AK8: variants seen among roughly 807,000 people sequenced by gnomAD.
The protein encoded by AK8 is ATP-AMP transphosphorylase 8.
In AK8, 44 loss-of-function variants were observed where a neutral mutation model predicts 54.6. The observed-to-expected ratio is 0.81, with a 90% CI of 0.63 to 1.04. The LOEUF (loss-of-function observed/expected upper bound fraction) is 1.04. Among genes scored for constraint, AK8 ranks in the 50% least tolerant of loss-of-function variants. The pLI is 0.00. For synonymous variants in AK8, 239 were observed against 245.6 expected (o/e 0.97, Z 0.25); for missense variants, 555 against 613.6 (o/e 0.90, Z 1.01).
At chr9:132,808,454 T>G (rs1013255959) in intron 10 of AK8, among the ~76,000 whole-genome samples, 3 of 152,168 alleles carry the variant, frequency 2.0e-5, no homozygotes, top group Non-Finnish European at 4.4e-5. Flanking sequence ...GATGGGGCCC[T>G]GGGGTCCTTT....
At chr9:132,752,618 C>T (rs1304771327) in intron 11 of AK8, among the ~76,000 whole-genome samples, 2 of 151,866 alleles carry the variant, frequency 1.3e-5, no homozygotes, top group Non-Finnish European at 2.9e-5. Flanking sequence ...ACCACCTTCG[C>T]CACACCCTGC....
intron 5 of AK8, among the ~76,000 whole-genome samples, chr9:132,846,660 T>C (rs760485603): frequency 7.2e-5 from 11 of 152,142 alleles, no homozygotes; most frequent in Non-Finnish European, 1.2e-4. Context: ...TGGGGACACG[T>C]TGGGGGCCTG....
intron 10 of AK8, among the ~76,000 whole-genome samples, chr9:132,796,478 T>C (rs1327837900): frequency 1.3e-5 from 2 of 152,176 alleles, no homozygotes; most frequent in South Asian, 2.1e-4. Context: ...AAGATGTGTA[T>C]ACAAAGATGT....
chr9:132,823,201 T>G lies in AK8; in HGVS notation c.889+4A>C. ...CTGGGCAGCCCAGCACCTGGGGCAC[T>G]CACCATTGACAAGCCTGTATTTCTG... is the stretch of plus-strand genomic sequence containing the variant. On this transcript the variant is annotated splice_donor_region_variant and intron_variant, in intron 9 of 12. Transcript: ENST00000298545. 1 of 1,561,842 alleles carries G rather than the reference T, an allele frequency of 6.4e-7. No individual in the cohort carries two copies. The highest frequency in any genetic ancestry group is 8.6e-7 in the Non-Finnish European group (1 of 1,156,246).
intron 2 of AK8, 72 bp from the exon 3 acceptor site, chr9:132,867,025 G>T: frequency 1.4e-6 from 2 of 1,441,684 alleles, no homozygotes; most frequent in Non-Finnish European, 2.0e-6. Flanking sequence ...GGTACTCGGG[G>T]TGTACTTATT....
chr9:132,743,237 G>A (rs1325277444), intron 11 of AK8, among the ~76,000 whole-genome samples: 5 of 152,240 alleles, frequency 3.3e-5, no homozygotes, highest in Non-Finnish European at 7.3e-5. Flanking sequence ...CTCTGCTCGC[G>A]ACCTGACCTG....
At chr9:132,744,134 G>T (rs972333453) in intron 11 of AK8, among the ~76,000 whole-genome samples, 1 of 152,040 alleles carries the variant, frequency 6.6e-6, no homozygotes, top group Non-Finnish European at 1.5e-5. Context: ...GGGTGTGCCG[G>T]CTCACACCCT....
chr9:132,814,637 C>T lies in AK8; in HGVS notation c.979+1G>A. 1 of 1,613,772 alleles carries T rather than the reference C, an allele frequency of 6.2e-7. No individual in the cohort carries two copies. Among genetic ancestry groups the T allele is most frequent in the Non-Finnish European group, 8.5e-7 (1 of 1,179,844 alleles). ...TGACAGTTAGTGGGAACGTGGCCTA[C>T]CTGCCATCTCCTTTTCAAAGAAGGG... On this transcript the variant is annotated splice_donor_variant, in intron 10 of 12. Transcript: ENST00000298545. LOFTEE classifies it high-confidence loss of function.
At chr9:132,810,471 C>A (rs746704141) in intron 10 of AK8, among the ~76,000 whole-genome samples, 2 of 152,172 alleles carry the variant, frequency 1.3e-5, no homozygotes, top group East Asian at 3.9e-4. Context: ...CGGCTCTGTA[C>A]AAAGTTGACG....
At chr9:132,836,972 A>G (rs1200194105) in intron 5 of AK8, among the ~76,000 whole-genome samples, 1 of 152,250 alleles carries the variant, frequency 6.6e-6, no homozygotes, top group Non-Finnish European at 1.5e-5. Context: ...CCTGGCATAC[A>G]CAGGCTTTTC....
At chr9:132,727,727 C>T (rs1836642757) in intron 11 of AK8, 193 bp from the exon 12 acceptor site, 10 of 406,380 alleles carry the variant, frequency 2.5e-5, no homozygotes, top group Non-Finnish European at 4.0e-5. Context: ...TGTGTCCCCC[C>T]AACCGCCTCC....
intron 11 of AK8, among the ~76,000 whole-genome samples, chr9:132,744,167 CAG>C (rs530193242): frequency 2.0e-5 from 3 of 152,312 alleles, no homozygotes; most frequent in African/African-American, 7.2e-5. Flanking sequence ...ACTAAGGACA[CAG>C]GGCACAGCTG....
At chr9:132,818,866 G>A (rs1222005812) in intron 9 of AK8, among the ~76,000 whole-genome samples, 2 of 151,488 alleles carry the variant, frequency 1.3e-5, no homozygotes, top group African/African-American at 2.4e-5. Flanking sequence ...AAAAAAGTGA[G>A]ACCCAACTAT....
Position 132,799,162 on chromosome 9 carries a change from C to T in AK8, c.980-6387G>A, listed in dbSNP as rs1429606692. 4.6e-5 allele frequency among the ~76,000 whole-genome samples: 7 copies of T among 152,136 alleles called. No homozygotes were observed. The highest frequency in any genetic ancestry group is 2.1e-4 in the South Asian group (1 of 4,826). On this transcript the variant is annotated intron_variant, in intron 10 of 12. Transcript: ENST00000298545. The surrounding 1 kb of genome is among the most constrained non-coding windows in gnomAD (Gnocchi z 5.0). ...CAGGCACCAGAGGCCCCTCCTGCTGCGCCACGCCGCCGCCTGCTGTCCGCA... is the reference window on the plus strand; with the variant it reads ...CAGGCACCAGAGGCCCCTCCTGCTGTGCCACGCCGCCGCCTGCTGTCCGCA...
intron 1 of AK8, among the ~76,000 whole-genome samples, chr9:132,875,931 C>T (rs1161186437): frequency 1.3e-5 from 2 of 152,344 alleles, no homozygotes; most frequent in East Asian, 3.9e-4. Context: ...CTGGGATATT[C>T]TGGCCATTTC....
chr9:132,823,389 C>T, intron 8 of AK8, 53 bp from the exon 9 acceptor site: 5 of 1,609,216 alleles, frequency 3.1e-6, no homozygotes, highest in Non-Finnish European at 4.2e-6. Context: ...GAACAGGAAA[C>T]CCGCTTGCAG....
At chr9:132,821,323 G>A (rs1841596565) in intron 9 of AK8, among the ~76,000 whole-genome samples, 1 of 152,152 alleles carries the variant, frequency 6.6e-6, no homozygotes, top group South Asian at 2.1e-4. Context: ...ACGTAAGCAA[G>A]TGATGCCGCC....
intron 5 of AK8, among the ~76,000 whole-genome samples, chr9:132,839,827 G>T (rs113108553): frequency 8.1e-5 from 12 of 147,588 alleles, no homozygotes; most frequent in South Asian, 4.3e-4. Flanking sequence ...TGCCGGGGGG[G>T]GGGGCGCAGG....
chr9:132,870,293 A>T (rs967201276), intron 2 of AK8, among the ~76,000 whole-genome samples: 1 of 152,174 alleles, frequency 6.6e-6, no homozygotes, highest in African/African-American at 2.4e-5. Context: ...ACACCTTGAA[A>T]CTACAGCCCT....
Sources: allele counts gnomAD v4.1 joint callset (sites outside exome capture counted in the v4.1 genomes callset), GRCh38; gene constraint gnomAD v4.1.1; non-coding constraint Gnocchi (gnomAD v3.1); transcripts MANE v1.5; gene names NCBI Gene and HGNC (gene_info 2026-07-23, HGNC 2026-07-21).